IMPG2: variants seen among roughly 807,000 people sequenced by gnomAD.
IMPG2 encodes interphotoreceptor matrix proteoglycan 2.
A neutral mutation model predicts 129.2 loss-of-function variants in IMPG2; 91 were observed. That is an observed-to-expected ratio of 0.70 (90% CI 0.59 to 0.84). The LOEUF (loss-of-function observed/expected upper bound fraction) is 0.84, where lower values mean the gene tolerates loss of function less well. Ranked by LOEUF, IMPG2 falls within the 40% of genes least tolerant of loss-of-function variation. IMPG2 has a pLI of 0.00. For missense variants in IMPG2, 1,430 were observed against 1,461.7 expected, an observed-to-expected ratio of 0.98 and a Z score of 0.35; for synonymous variants, 510 against 517.7, an observed-to-expected ratio of 0.99 and a Z score of 0.20.
At chr3:101,248,878 C>T (rs895999663) in intron 11 of IMPG2, among the ~76,000 whole-genome samples, 1 of 152,122 alleles carries the variant, frequency 6.6e-6, no homozygotes, top group Admixed American at 6.5e-5. Flanking sequence ...CTCTTCCTGC[C>T]CTCTGCCCTA....
intron 3 of IMPG2, among the ~76,000 whole-genome samples, chr3:101,292,649 T>A (rs896596053): frequency 1.3e-5 from 2 of 152,150 alleles, no homozygotes; most frequent in Non-Finnish European, 2.9e-5. Flanking sequence ...AAGACAACAA[T>A]GAATTTGGCC....
intron 4 of IMPG2, among the ~76,000 whole-genome samples, chr3:101,282,283 C>A (rs932597127): frequency 5.9e-5 from 9 of 152,102 alleles, no homozygotes; most frequent in African/African-American, 2.2e-4. Flanking sequence ...TGAGTAAATT[C>A]TTAGGCCACT....
intron 17 of IMPG2, among the ~76,000 whole-genome samples, chr3:101,229,088 CAT>C (rs1465001296): frequency 2.1e-5 from 3 of 143,856 alleles, no homozygotes; most frequent in Non-Finnish European, 4.5e-5. Context: ...CTAAATCAGA[CAT>C]ATTTCTAAGG....
At chr3:101,318,098 T>C (rs2058794121) in intron 2 of IMPG2, among the ~76,000 whole-genome samples, 2 of 150,836 alleles carry the variant, frequency 1.3e-5, no homozygotes, top group African/African-American at 4.9e-5. Flanking sequence ...ATCATGCCAC[T>C]GCACTCCAGC....
intron 15 of IMPG2, among the ~76,000 whole-genome samples, chr3:101,232,233 TATTTA>T (rs1559639456): frequency 2.0e-5 from 3 of 150,810 alleles, no homozygotes; most frequent in African/African-American, 7.3e-5. Flanking sequence ...ATTTTTTTTT[TATTTA>T]TTTTTTATTT....
chr3:101,288,400 T>A (rs180715887), intron 4 of IMPG2, among the ~76,000 whole-genome samples: 37 of 152,160 alleles, frequency 2.4e-4, no homozygotes, highest in Middle Eastern at 6.8e-3. Flanking sequence ...CCACATGCAC[T>A]CATATGTTCA....
rs1442210919 is a variant in IMPG2, at chr3:101,246,081, G to T, written c.1264C>A (p.Pro422Thr). The change falls in exon 12 of 19, where the codon CCC (proline) becomes ACC (threonine). Residue 422 changes from proline (P) to threonine (T), a missense_variant. Pro to Thr is a conservative substitution (Grantham distance 38). Coordinates refer to ENST00000193391, the MANE Select transcript of IMPG2 (RefSeq NM_016247.4). ...ILDNTFQAAWPSADESITSSI... is the reference protein window; with the variant it reads ...ILDNTFQAAWTSADESITSSI... ...CTGGTGATGGATTCATCTGCTGAGG[G>T]CCATGCAGCTTGAAAGGTATTATCC... 4 of 1,613,968 alleles carry T rather than the reference G, an allele frequency of 2.5e-6. No individual in the cohort carries two copies. The highest frequency in any genetic ancestry group is 2.7e-5 in the African/African-American group (2 of 74,906).
At chr3:101,285,705 G>A (rs1425401292) in intron 4 of IMPG2, among the ~76,000 whole-genome samples, 1 of 152,104 alleles carries the variant, frequency 6.6e-6, no homozygotes, top group Non-Finnish European at 1.5e-5. Flanking sequence ...TGAAGTTAGT[G>A]CCTTTGAATT....
At chr3:101,235,192 C>T (rs568396948) in intron 14 of IMPG2, among the ~76,000 whole-genome samples, 18 of 152,322 alleles carry the variant, frequency 1.2e-4, no homozygotes, top group African/African-American at 4.3e-4. Flanking sequence ...CACCATCATG[C>T]TGTGCATGGA....
intron 2 of IMPG2, among the ~76,000 whole-genome samples, chr3:101,313,918 A>C (rs1277730932): frequency 6.6e-6 from 1 of 152,138 alleles, no homozygotes; most frequent in Non-Finnish European, 1.5e-5. Flanking sequence ...ATATACAAAA[A>C]TCAGTTGTAT....
At position 101,244,317 on chromosome 3, in the gene IMPG2, T is replaced by C; in HGVS notation, c.2014A>G (p.Arg672Gly). The part of the protein sequence containing the change: ...SKHSKYEHDD[R>G]STHFPEEEPL... ...TCTTCCTCTGGAAAGTGTGTGGATC[T>C]GTCATCATGTTCATATTTTGAGTGC... Residue 672 changes from arginine to glycine, a missense_variant, in exon 13 of 19, where the codon AGA becomes GGA. By Grantham distance (125) the Arg-to-Gly change is moderately radical. Coordinates refer to ENST00000193391, the MANE Select transcript of IMPG2 (RefSeq NM_016247.4). The C allele has an allele frequency of 1.9e-6, 3 of 1,614,008 alleles. No individual in the cohort carries two copies. Among genetic ancestry groups the C allele is most frequent in the Non-Finnish European group, 2.5e-6 (3 of 1,179,950 alleles).
intron 2 of IMPG2, among the ~76,000 whole-genome samples, chr3:101,314,844 A>G (rs1273534927): frequency 6.6e-6 from 1 of 152,142 alleles, no homozygotes; most frequent in East Asian, 1.9e-4. Context: ...AAGACTCAAT[A>G]TAGGTTGAAC....
chr3:101,273,225 A>G (rs1706806391), intron 7 of IMPG2, among the ~76,000 whole-genome samples: 1 of 152,238 alleles, frequency 6.6e-6, no homozygotes, highest in African/African-American at 2.4e-5. Flanking sequence ...AAGACATTAA[A>G]TGTAATGTTC....
chr3:101,237,912 A>G (rs1706364624), intron 14 of IMPG2, among the ~76,000 whole-genome samples: 2 of 152,090 alleles, frequency 1.3e-5, no homozygotes, highest in South Asian at 4.2e-4. Context: ...GGTGGGTAAT[A>G]ACAAACTCCT....
At position 101,229,540 on chromosome 3, in the gene IMPG2, T is replaced by G. The variant is rs1400960530; in HGVS notation, c.3473A>C (p.Lys1158Thr). 6.2e-7 allele frequency: 1 copy of G among 1,614,052 alleles called. No individual in the cohort carries two copies. The highest frequency in any genetic ancestry group is 2.2e-5 in the East Asian group (1 of 44,876). The change falls in exon 17 of 19, where the codon AAG becomes ACG. Residue 1158 changes from lysine (K) to threonine (T), a missense_variant. Transcript: ENST00000193391. ...GTGACTTTCATACACGGGGTTGTACTTCACAGCATTCTCAATAGATGAGAG... is the reference window on the plus strand; with the variant it reads ...GTGACTTTCATACACGGGGTTGTACGTCACAGCATTCTCAATAGATGAGAG... ...DSLSSIENAVKYNPVYESHRA... is the reference protein window; with the variant it reads ...DSLSSIENAVTYNPVYESHRA...
In IMPG2 at chr3:101,320,030, G is replaced by A. The variant is rs116518396; in HGVS notation, c.86-198C>T. Among the ~76,000 whole-genome samples the A allele has an allele frequency of 3.5e-3, 536 of 152,080 alleles. 6 individuals carry two copies. Among genetic ancestry groups the A allele is most frequent in the African/African-American group, 0.012 (488 of 41,526 alleles). On this transcript the variant is annotated intron_variant, in intron 1 of 18. Transcript: ENST00000193391. ...TTTAACTCCCACTCCTTTCATTCAA[G>A]ATTGTTATCAAAATCAAGTAAATAC...
chr3:101,236,104 G>A (rs967959718), intron 14 of IMPG2, among the ~76,000 whole-genome samples: 7 of 152,172 alleles, frequency 4.6e-5, no homozygotes, highest in African/African-American at 1.4e-4. Flanking sequence ...GCTTTGAGCA[G>A]ATCAAAAACA....
intron 6 of IMPG2, 64 bp downstream of exon 6, chr3:101,275,598 TA>T: frequency 8.2e-7 from 1 of 1,221,644 alleles, no homozygotes; most frequent in Non-Finnish European, 1.2e-6. Context: ...CAATGGGAGA[TA>T]AACTCTCTCT....
intron 16 of IMPG2, 35 bp downstream of exon 16, chr3:101,230,922 T>C (rs376775316): frequency 1.1e-4 from 172 of 1,549,652 alleles, no homozygotes; most frequent in Non-Finnish European, 1.5e-4. Context: ...AAATGGAACA[T>C]TGTATTCCAT....
Sources: gnomAD v4.1 joint callset for allele counts (sites outside exome capture counted in the v4.1 genomes callset) on GRCh38, gnomAD v4.1.1 for gene constraint, MANE v1.5 for transcripts, NCBI Gene and HGNC (gene_info 2026-07-23, HGNC 2026-07-21) for gene names.